RIMS2: variants seen among roughly 807,000 people sequenced by gnomAD.
RIMS2 encodes regulating synaptic membrane exocytosis protein 2.
RIMS2 carries 59 observed loss-of-function variants against 174.4 expected under a neutral mutation model. The observed-to-expected ratio is 0.34, with a 90% confidence interval of 0.27 to 0.42. The LOEUF (loss-of-function observed/expected upper bound fraction) is 0.42. Among genes scored for constraint, RIMS2 ranks in the 10% least tolerant of loss-of-function variants. The pLI is 1.00. For synonymous variants in RIMS2, 606 were observed against 572.5 expected, an observed-to-expected ratio of 1.06 and a Z score of -0.84; for missense variants, 1,620 against 1,666.3, an observed-to-expected ratio of 0.97 and a Z score of 0.48.
intron 1 of RIMS2, among the ~76,000 whole-genome samples, chr8:103,601,554 C>CAT (rs1212105583): frequency 6.6e-6 from 1 of 151,736 alleles, no homozygotes. Flanking sequence ...AGTCTATATG[C>CAT]ATATATATAG....
In RIMS2 at chr8:103,802,872, A is replaced by T. The variant is rs191683798; in HGVS notation, c.698+36335A>T. Among the ~76,000 whole-genome samples, 206 of 152,300 alleles carry T rather than the reference A, an allele frequency of 1.4e-3. 1 individual carries two copies. Among genetic ancestry groups the T allele is most frequent in the African/African-American group, 4.6e-3 (193 of 41,574 alleles). The stretch of plus-strand genomic sequence containing the variant: ...TCACCTCGAGGGGGAGTTGGAGTCA[A>T]CACTTTTAATAAAGATGAAGATACA... On this transcript the variant is annotated intron_variant, in intron 3 of 23. Coordinates refer to ENST00000504942, the Ensembl canonical transcript of RIMS2.
At chr8:103,747,729 A>G (rs1208489939) in intron 2 of RIMS2, among the ~76,000 whole-genome samples, 1 of 152,120 alleles carries the variant, frequency 6.6e-6, no homozygotes. Context: ...CCTGAGGCAA[A>G]CTGGAAGAAT....
At chr8:103,658,888 T>C (rs1270154769) in intron 1 of RIMS2, among the ~76,000 whole-genome samples, 1 of 152,178 alleles carries the variant, frequency 6.6e-6, no homozygotes, top group East Asian at 1.9e-4. Flanking sequence ...TTGCTGTGTC[T>C]ACTCATGTTA....
rs1162335360 is a variant in RIMS2, at chr8:103,813,747, G to A, written c.698+47210G>A. Among the ~76,000 whole-genome samples, 3 of 152,162 alleles carry A rather than the reference G, an allele frequency of 2.0e-5. No individual in the cohort carries two copies. The East Asian group carries it at 5.8e-4, about 29-fold the overall frequency. ...GGACATGAACTCATCCTTTTTTATG[G>A]CTGCATAGTATTCCATGGTGTATAT... On this transcript the variant is annotated intron_variant, in intron 3 of 23. Coordinates refer to ENST00000504942, the Ensembl canonical transcript of RIMS2.
intron 17 of RIMS2, among the ~76,000 whole-genome samples, chr8:103,994,005 C>T (rs2094902555): frequency 6.9e-6 from 1 of 145,330 alleles, no homozygotes; most frequent in South Asian, 2.2e-4. Context: ...GAGCTGAGAT[C>T]GCACCACTGC....
chr8:103,705,019 C>T, intron 2 of RIMS2, among the ~76,000 whole-genome samples: 1 of 151,204 alleles, frequency 6.6e-6, no homozygotes, highest in African/African-American at 2.4e-5. Context: ...TCTTGCTTTT[C>T]TAGTTCTTTA....
At chr8:104,094,245 A>T (rs1028722127) in intron 19 of RIMS2, among the ~76,000 whole-genome samples, 4 of 152,082 alleles carry the variant, frequency 2.6e-5, no homozygotes, top group African/African-American at 9.6e-5. Context: ...ACCTTTTTTC[A>T]TGTAATTTTG....
intron 1 of RIMS2, among the ~76,000 whole-genome samples, chr8:103,577,194 T>C (rs758614664): frequency 1.6e-4 from 25 of 152,096 alleles, no homozygotes; most frequent in Admixed American, 6.5e-4. Context: ...AGGGCTAATA[T>C]CTAGAATCTA....
chr8:104,142,461 AATCC>A (rs1435074172), intron 19 of RIMS2, among the ~76,000 whole-genome samples: 2 of 152,090 alleles, frequency 1.3e-5, no homozygotes, highest in African/African-American at 4.8e-5. Flanking sequence ...AGAATGTCCA[AATCC>A]CGGGAATGTG....
At chr8:104,173,874 A>C (rs572952375) in intron 19 of RIMS2, among the ~76,000 whole-genome samples, 69 of 151,264 alleles carry the variant, frequency 4.6e-4, no homozygotes, top group African/African-American at 1.6e-3. Flanking sequence ...ATCTGATTCT[A>C]GGACTTAAGA....
chr8:104,209,961 G>A (rs2099098244), intron 19 of RIMS2, among the ~76,000 whole-genome samples: 1 of 152,260 alleles, frequency 6.6e-6, no homozygotes, highest in Admixed American at 6.5e-5. Context: ...GCTGAGCAGG[G>A]AGCTTGCAAT....
intron 2 of RIMS2, among the ~76,000 whole-genome samples, chr8:103,759,407 T>TA (rs1446113419): frequency 6.6e-6 from 1 of 150,770 alleles, no homozygotes; most frequent in Non-Finnish European, 1.5e-5. Context: ...CTACTAAAAA[T>TA]ACAAAAAATT....
Position 103,666,296 on chromosome 8 carries a change from T to C in RIMS2, c.177-30790T>C, listed in dbSNP as rs568917208. 2.1e-4 allele frequency among the ~76,000 whole-genome samples: 32 copies of C among 152,310 alleles called. No homozygotes were observed. In the South Asian group the frequency reaches 5.8e-3, roughly 28 times the overall value. ...AGTTGCAGTCTGTTTATACATCTAG[T>C]TAGATTACAGTTCACTATGTACAGA... On this transcript the variant is annotated intron_variant, in intron 1 of 23. Transcript: ENST00000504942.
intron 19 of RIMS2, among the ~76,000 whole-genome samples, chr8:104,180,790 G>A (rs1273340805): frequency 6.6e-6 from 1 of 151,638 alleles, no homozygotes; most frequent in Non-Finnish European, 1.5e-5. Flanking sequence ...GGAATAAGAA[G>A]TAAATTTTTT....
At chr8:103,988,116 G>A (rs1011754569) in intron 16 of RIMS2, among the ~76,000 whole-genome samples, 1 of 152,088 alleles carries the variant, frequency 6.6e-6, no homozygotes, top group Non-Finnish European at 1.5e-5. Flanking sequence ...AAAAAGAAGA[G>A]AAAAATTTGC....
At chr8:104,057,625 A>T (rs2096894106) in intron 19 of RIMS2, among the ~76,000 whole-genome samples, 1 of 151,376 alleles carries the variant, frequency 6.6e-6, no homozygotes, top group African/African-American at 2.4e-5. Flanking sequence ...TGTGCAGGTT[A>T]GTTACATATG....
At chr8:103,841,488 T>C (rs2098939498) in intron 3 of RIMS2, among the ~76,000 whole-genome samples, 1 of 152,138 alleles carries the variant, frequency 6.6e-6, no homozygotes, top group African/African-American at 2.4e-5. Context: ...AGGTGAATCA[T>C]CATAAGAATT....
At chr8:103,729,050 T>G (rs371544765) in intron 2 of RIMS2, among the ~76,000 whole-genome samples, 14 of 152,220 alleles carry the variant, frequency 9.2e-5, no homozygotes, top group African/African-American at 3.4e-4. Flanking sequence ...TTTTTCACTG[T>G]GTCTTTGTCT....
chr8:103,527,372 A>C (rs1248747538), intron 1 of RIMS2, among the ~76,000 whole-genome samples: 2 of 152,088 alleles, frequency 1.3e-5, no homozygotes, highest in Non-Finnish European at 2.9e-5. Flanking sequence ...CACATCATCC[A>C]GTATACTTTA....
Sources: gnomAD v4.1 joint callset for allele counts (sites outside exome capture counted in the v4.1 genomes callset) on GRCh38, gnomAD v4.1.1 for gene constraint, MANE v1.5 for transcripts, NCBI Gene and HGNC (gene_info 2026-07-23, HGNC 2026-07-21) for gene names.